ADCK1: variants seen among roughly 807,000 people sequenced by gnomAD.
ADCK1 encodes the protein aarF domain-containing protein kinase 1.
ADCK1 carries 41 observed loss-of-function variants against 52.3 expected under a neutral mutation model. The ratio of observed to expected loss-of-function variants is 0.78; its 90% CI spans 0.61 to 1.02. ADCK1 has a LOEUF of 1.02. Among genes scored for constraint, ADCK1 ranks in the 50% least tolerant of loss-of-function variants. The probability of loss-of-function intolerance (pLI) is 0.00; values close to 1 mark genes in which losing one functional copy is unlikely to be tolerated. For missense variants in ADCK1, 658 were observed against 679.5 expected (o/e 0.97, Z 0.35); for synonymous variants, 250 against 274.6 (o/e 0.91, Z 0.89).
chr14:77,839,983 C>T (rs4903655), intron 3 of ADCK1, among the ~76,000 whole-genome samples: 3 of 149,132 alleles, frequency 2.0e-5, no homozygotes, highest in Non-Finnish European at 4.4e-5. Context: ...CTGGGGTACT[C>T]GGGGCAGGGA....
At chr14:77,823,498 A>G (rs946774969) in intron 3 of ADCK1, among the ~76,000 whole-genome samples, 1 of 152,150 alleles carries the variant, frequency 6.6e-6, no homozygotes, top group Non-Finnish European at 1.5e-5. Flanking sequence ...ACTCTGGTGG[A>G]ACTGTCATAT....
intron 7 of ADCK1, among the ~76,000 whole-genome samples, chr14:77,911,228 G>A (rs2083784175): frequency 6.6e-6 from 1 of 152,226 alleles, no homozygotes; most frequent in African/African-American, 2.4e-5. Context: ...ACAGCTAGCA[G>A]GGGTAGAACC....
rs368825893 is a variant in ADCK1 at position 77,848,125 on chromosome 14, G to A, written c.220-10951G>A. Among the ~76,000 whole-genome samples, 98 of 152,244 alleles carry A rather than the reference G, an allele frequency of 6.4e-4. 2 individuals carry two copies. Among genetic ancestry groups the A allele is most frequent in the Middle Eastern group, 3.4e-3 (1 of 294 alleles). ...TCATTTTGCTGACCAGGCTGGTCTC[G>A]AACTCCTGGCCTCAAGCAGTCCTCC... On this transcript the variant is annotated intron_variant, in intron 3 of 10. Transcript: ENST00000238561.
At chr14:77,843,720 G>A (rs990525001) in intron 3 of ADCK1, among the ~76,000 whole-genome samples, 2 of 152,300 alleles carry the variant, frequency 1.3e-5, no homozygotes, top group East Asian at 1.9e-4. Flanking sequence ...CAGGGATGCT[G>A]GAACAACTTT....
At chr14:77,825,568 C>T (rs56202430) in intron 3 of ADCK1, among the ~76,000 whole-genome samples, 6,535 of 151,966 alleles carry the variant, frequency 0.043, 278 homozygotes, top group African/African-American at 0.11. Context: ...TCCATGTCTG[C>T]AGCATCCATC....
chr14:77,808,274 G>A (rs1392496909), intron 1 of ADCK1, among the ~76,000 whole-genome samples: 1 of 152,188 alleles, frequency 6.6e-6, no homozygotes, highest in African/African-American at 2.4e-5. Context: ...GCAGGCATGA[G>A]TTCCGTGGAG....
intron 9 of ADCK1, among the ~76,000 whole-genome samples, chr14:77,930,590 G>A (rs1380771150): frequency 6.6e-6 from 1 of 152,122 alleles, no homozygotes; most frequent in Non-Finnish European, 1.5e-5. Context: ...GCACAGGCTC[G>A]GGAGCTGGAC....
At chr14:77,856,089 A>G (rs2082411501) in intron 3 of ADCK1, among the ~76,000 whole-genome samples, 1 of 152,100 alleles carries the variant, frequency 6.6e-6, no homozygotes, top group Non-Finnish European at 1.5e-5. Flanking sequence ...GGGCCCCTGT[A>G]ATCCCAGCTA....
chr14:77,847,899 G>C (rs571024643), intron 3 of ADCK1, among the ~76,000 whole-genome samples: 1 of 152,114 alleles, frequency 6.6e-6, no homozygotes, highest in Non-Finnish European at 1.5e-5. Flanking sequence ...AACAGTTCCC[G>C]GGAGCCCAGA....
intron 5 of ADCK1, among the ~76,000 whole-genome samples, chr14:77,896,956 G>A (rs192695282): frequency 6.6e-6 from 1 of 152,300 alleles, no homozygotes; most frequent in East Asian, 1.9e-4. Context: ...AAACAAAGCT[G>A]TAAATGCCTT....
At chr14:77,867,612 T>C (rs3825691) in intron 4 of ADCK1, among the ~76,000 whole-genome samples, 131,103 of 152,198 alleles carry the variant, frequency 0.86, 56,638 homozygotes, top group Middle Eastern at 0.93. Flanking sequence ...GATGGCCTGC[T>C]GTTAGTCACT....
intron 6 of ADCK1, among the ~76,000 whole-genome samples, chr14:77,906,601 T>C (rs879683218): frequency 2.0e-5 from 3 of 152,244 alleles, no homozygotes; most frequent in Non-Finnish European, 4.4e-5. Context: ...CAAGAAGGTT[T>C]GCAGTGGTTG....
At position 77,924,486 on chromosome 14, in the gene ADCK1, T is replaced by C. The variant is rs747519279; in HGVS notation, c.888T>C (p.Ser296=). The C allele has an allele frequency of 3.7e-6, 6 of 1,614,102 alleles. No homozygotes were observed. Among genetic ancestry groups the C allele is most frequent in the Admixed American group, 1.7e-5 (1 of 60,030 alleles). Residue 296 remains serine, a synonymous_variant, in exon 8 of 11, where the codon AGT becomes AGC. Coordinates refer to ENST00000238561, the MANE Select transcript of ADCK1 (RefSeq NM_020421.4). The part of the protein sequence containing the change: ...EISRHLGKMY[S]EMIFVNGFVH... ...CACGCCACCTGGGCAAGATGTATAG[T>C]GAGATGATCTTCGTCAATGGCTTCG...
chr14:77,876,350 T>C (rs559330548), intron 4 of ADCK1, among the ~76,000 whole-genome samples: 1 of 152,348 alleles, frequency 6.6e-6, no homozygotes, highest in African/African-American at 2.4e-5. Context: ...TGTCATGTCA[T>C]CTCTTTCTCT....
chr14:77,863,709 C>T (rs148433798), intron 4 of ADCK1, among the ~76,000 whole-genome samples: 5 of 151,896 alleles, frequency 3.3e-5, no homozygotes, highest in East Asian at 1.9e-4. Context: ...TGGTGGTGGG[C>T]GCTTGTCATC....
intron 3 of ADCK1, chr14:77,827,796 C>G (rs1017187262): frequency 2.5e-6 from 1 of 402,826 alleles, no homozygotes; most frequent in African/African-American, 2.2e-5. Context: ...ACTCCACTGC[C>G]AAGCACCTCT....
intron 3 of ADCK1, among the ~76,000 whole-genome samples, chr14:77,833,564 CT>C (rs2081901635): frequency 6.6e-6 from 1 of 152,144 alleles, no homozygotes; most frequent in South Asian, 2.1e-4. Flanking sequence ...AGTCTAGCAC[CT>C]CCTTTTTAGC....
chr14:77,831,438 A>T (rs17825834), intron 3 of ADCK1, among the ~76,000 whole-genome samples: 1 of 151,982 alleles, frequency 6.6e-6, no homozygotes, highest in Non-Finnish European at 1.5e-5. Flanking sequence ...TGCTATAAGA[A>T]CCATTTGTTT....
intron 5 of ADCK1, among the ~76,000 whole-genome samples, chr14:77,891,068 G>C (rs1043510347): frequency 2.0e-5 from 3 of 152,158 alleles, no homozygotes; most frequent in African/African-American, 4.8e-5. Context: ...GCAGAGGAGA[G>C]GGGGAGGGAA....
Sources: allele counts gnomAD v4.1 joint callset (sites outside exome capture counted in the v4.1 genomes callset), GRCh38; gene constraint gnomAD v4.1.1; transcripts MANE v1.5; gene names NCBI Gene and HGNC (gene_info 2026-07-23, HGNC 2026-07-21).